CNBD2: variants seen among roughly 807,000 people sequenced by gnomAD.
CNBD2 encodes cyclic nucleotide binding domain containing 2, also known as cyclic nucleotide-binding domain-containing protein 2.
CNBD2 carries 64 observed loss-of-function variants against 63.7 expected under a neutral mutation model. The observed-to-expected ratio is 1.00, with a 90% CI of 0.82 to 1.24. CNBD2 has a LOEUF of 1.24. Among genes scored for constraint, CNBD2 ranks in the 50% most tolerant of loss-of-function variants. The pLI, the probability that CNBD2 is intolerant of heterozygous loss-of-function variation, is 0.00. For synonymous variants in CNBD2, 229 were observed against 255.4 expected (o/e 0.90, Z 0.99); for missense variants, 691 against 713.5 (o/e 0.97, Z 0.36).
Position 36,030,430 on chromosome 20 carries a change from C to A in CNBD2, c.1513C>A (p.Leu505Ile). ...NIFRKDLLQL[L>I]VEPCQSQLFT... ...CTTTCGGAAGGACCTGTTGCAGCTG[C>A]TCGTGGAGCCTTGCCAAAGTCAACT... The change falls in exon 12 of 12, where the codon CTC becomes ATC. Residue 505 changes from leucine (L) to isoleucine (I), a missense_variant. Physicochemically the swap from Leu to Ile is conservative, Grantham distance 5. Transcript: ENST00000373973. 1 of 1,614,158 alleles carries A rather than the reference C, an allele frequency of 6.2e-7. No homozygotes were observed. Among genetic ancestry groups the A allele is most frequent in the Non-Finnish European group, 8.5e-7 (1 of 1,180,032 alleles).
intron 10 of CNBD2, among the ~76,000 whole-genome samples, chr20:36,020,416 C>T (rs2057192313): frequency 6.6e-6 from 1 of 152,070 alleles, no homozygotes; most frequent in South Asian, 2.1e-4. Context: ...AGCATCCTCA[C>T]CTGTAACATG....
In CNBD2 at chr20:36,017,447, C is replaced by CT. The variant is rs1195862735; in HGVS notation, c.1270-6154dup. The stretch of plus-strand genomic sequence containing the variant: ...CACACCAGCCTGTATGTCCTCAGGG[C>CT]TGGGAAGGTCAGTCCAGTACTGTCT... On this transcript the variant is annotated intron_variant, in intron 10 of 11. Coordinates refer to ENST00000373973, the MANE Select transcript of CNBD2 (RefSeq NM_001365709.1). Among the ~76,000 whole-genome samples the CT allele has an allele frequency of 2.0e-5, 3 of 152,284 alleles. No homozygotes were observed. The East Asian group carries it at 5.8e-4, about 29-fold the overall frequency.
chr20:35,975,980 C>T lies in CNBD2; in HGVS notation c.221C>T (p.Thr74Ile), dbSNP rs1354201170. 1 of 1,613,076 alleles carries T rather than the reference C, an allele frequency of 6.2e-7. No homozygotes were observed. The highest frequency in any genetic ancestry group is 8.5e-7 in the Non-Finnish European group (1 of 1,179,206). Reference protein sequence around the residue: ...KKMQSRVTFDTMDFIAEEGHF... With the variant: ...KKMQSRVTFDIMDFIAEEGHF... Reference sequence around the variant, plus strand: ...ATGCAAAGCCGAGTCACATTTGATACCATGGACTTCATTGCAGAGGAGGTA... The same window carrying T: ...ATGCAAAGCCGAGTCACATTTGATATCATGGACTTCATTGCAGAGGAGGTA... Residue 74 changes from threonine to isoleucine, a missense_variant, in exon 3 of 12, where the codon ACC (threonine) becomes ATC (isoleucine). Coordinates refer to ENST00000373973, the MANE Select transcript of CNBD2 (RefSeq NM_001365709.1).
At chr20:35,997,260 T>C (rs2056837706) in intron 8 of CNBD2, among the ~76,000 whole-genome samples, 3 of 152,084 alleles carry the variant, frequency 2.0e-5, no homozygotes, top group Admixed American at 6.6e-5. Context: ...TCCCTTGAGA[T>C]TGTAATCTGT....
chr20:35,964,997 G>T (rs1343868531), upstream of CNBD2, among the ~76,000 whole-genome samples: 1 of 152,016 alleles, frequency 6.6e-6, no homozygotes, highest in African/African-American at 2.4e-5. Flanking sequence ...CACCATGCCC[G>T]GCCTCATATA....
chr20:35,988,645 G>A (rs574235827), intron 7 of CNBD2, among the ~76,000 whole-genome samples: 7 of 152,246 alleles, frequency 4.6e-5, no homozygotes, highest in African/African-American at 1.4e-4. Flanking sequence ...ATAGCCATAG[G>A]TATAGGGACC....
chr20:35,962,407 C>T (rs910900151), intron 2 of CNBD2, among the ~76,000 whole-genome samples: 3 of 152,068 alleles, frequency 2.0e-5, no homozygotes, highest in Admixed American at 2.0e-4. Flanking sequence ...TACAGGCGCC[C>T]ACCACCACGC....
chr20:35,996,147 G>A (rs1478801700), intron 8 of CNBD2, among the ~76,000 whole-genome samples: 1 of 152,258 alleles, frequency 6.6e-6, no homozygotes, highest in East Asian at 1.9e-4. Context: ...GTACTCTTCT[G>A]TGTTATATAA....
intron 3 of CNBD2, among the ~76,000 whole-genome samples, chr20:35,977,915 T>A (rs1297903156): frequency 6.6e-6 from 1 of 152,222 alleles, no homozygotes; most frequent in Admixed American, 6.5e-5. Context: ...TATAGTTATA[T>A]AACCTGCCCC....
chr20:35,954,707 T>TA lies in CNBD2; in HGVS notation c.129dup (p.Asp44ArgfsTer17), dbSNP rs1165277914. The TA allele has an allele frequency of 6.3e-5, 65 of 1,039,096 alleles. No individual in the cohort carries two copies. The highest frequency in any genetic ancestry group is 1.1e-4 in the Admixed American group (3 of 27,600). The allele number at this position is 1,039,096 out of a possible 1,614,324, so 64.4% of individuals were successfully genotyped here. On this transcript the variant is annotated frameshift_variant, in exon 1 of 5. Coordinates refer to the CNBD2 transcript ENST00000622112. LOFTEE classifies it high-confidence loss of function. ...GAGGAGGAGCCTGAATGTTTGGAGA[T>TA]AGACTTCAAGTCCCGGACCTTATCC...
chr20:35,983,164 A>G (rs917724299), intron 4 of CNBD2, among the ~76,000 whole-genome samples: 2 of 142,524 alleles, frequency 1.4e-5, no homozygotes, highest in Non-Finnish European at 3.1e-5. Context: ...CCTAGGCAAC[A>G]TAGTGAGACC....
At chr20:35,967,134 G>A (rs1483937550), upstream of CNBD2, among the ~76,000 whole-genome samples, 2 of 151,944 alleles carry the variant, frequency 1.3e-5, no homozygotes, top group Admixed American at 6.6e-5. Context: ...GCCCAAGATG[G>A]TGGCAGCTCG....
Sources: gnomAD v4.1 joint callset for allele counts (sites outside exome capture counted in the v4.1 genomes callset) on GRCh38, gnomAD v4.1.1 for gene constraint, MANE v1.5 for transcripts, NCBI Gene and HGNC (gene_info 2026-07-23, HGNC 2026-07-21) for gene names.